The following BMP3 variants were observed in gnomAD, a reference collection of about 807,000 sequenced individuals.
BMP3 encodes bone morphogenetic protein 3, also known as bone morphogenetic protein 3 (osteogenic).
Under a neutral mutation model 38.1 loss-of-function variants are expected in BMP3, and 23 were observed. The ratio of observed to expected loss-of-function variants is 0.60; its 90% CI spans 0.43 to 0.86. The LOEUF (loss-of-function observed/expected upper bound fraction) is 0.86, where lower values mean the gene tolerates loss of function less well. BMP3 is among the 40% of genes least tolerant of loss of function. The pLI, the probability that BMP3 is intolerant of heterozygous loss-of-function variation, is 0.00. For missense variants in BMP3, 628 were observed against 579.6 expected (o/e 1.08, Z -0.86); for synonymous variants, 258 against 225.7 (o/e 1.14, Z -1.28).
At chr4:81,052,621 C>G (rs1343990881) in intron 2 of BMP3, among the ~76,000 whole-genome samples, 1 of 152,118 alleles carries the variant, frequency 6.6e-6, no homozygotes, top group Non-Finnish European at 1.5e-5. Context: ...GAACACAACT[C>G]CATGCCTAAT....
chr4:81,039,229 T>C (rs1014930013), intron 1 of BMP3, among the ~76,000 whole-genome samples: 22 of 152,338 alleles, frequency 1.4e-4, no homozygotes, highest in African/African-American at 5.3e-4. Flanking sequence ...CTAGCAGCTG[T>C]ATTTTGTTTG....
chr4:81,040,077 T>G (rs879565787), intron 1 of BMP3, among the ~76,000 whole-genome samples: 2 of 152,178 alleles, frequency 1.3e-5, no homozygotes, highest in Admixed American at 1.3e-4. Flanking sequence ...GAGTATAGCT[T>G]GTTCAGAAAC....
intron 1 of BMP3, among the ~76,000 whole-genome samples, chr4:81,041,719 T>C (rs1052464167): frequency 1.3e-5 from 2 of 152,224 alleles, no homozygotes; most frequent in Non-Finnish European, 2.9e-5. Flanking sequence ...TGGCAACATT[T>C]CTTTTGCAAA....
At position 81,053,599 on chromosome 4, in the gene BMP3, C is replaced by CTTTTT; in HGVS notation, c.*64_*65insTTTTT. 5 of 561,896 alleles carry CTTTTT rather than the reference C, an allele frequency of 8.9e-6. No homozygotes were observed. The highest frequency in any genetic ancestry group is 1.2e-5 in the Non-Finnish European group (5 of 413,306). 34.8% of individuals were successfully genotyped at this position (561,896 alleles called of 1,614,324 possible). ...TTAGTTTATTTTTATGGACTTCTTCCTGTTTTTTTTTTTTTTTTTTTTGCA... is the reference window on the plus strand; with the variant it reads ...TTAGTTTATTTTTATGGACTTCTTCCTTTTTTGTTTTTTTTTTTTTTTTTTTTGCA... On this transcript the variant is annotated 3_prime_UTR_variant, in exon 3 of 3. Transcript: ENST00000282701.
intron 1 of BMP3, among the ~76,000 whole-genome samples, chr4:81,038,066 C>G (rs746855675): frequency 6.6e-6 from 1 of 152,126 alleles, no homozygotes; most frequent in Non-Finnish European, 1.5e-5. Context: ...TCAAAACCAG[C>G]CTCTTAAAAT....
At chr4:81,053,249 C>T in intron 2 of BMP3, 96 bp from the exon 3 acceptor site, 1 of 937,198 alleles carries the variant, frequency 1.1e-6, no homozygotes. Context: ...ATTGTTGAAA[C>T]AAATTCATTA....
At chr4:81,052,552 A>G (rs571100985) in intron 2 of BMP3, among the ~76,000 whole-genome samples, 1 of 152,258 alleles carries the variant, frequency 6.6e-6, no homozygotes, top group South Asian at 2.1e-4. Flanking sequence ...TATCCATAGG[A>G]TAACTTTAGG....
At position 81,054,095 on chromosome 4, in the gene BMP3, T is replaced by C. The variant is rs1054890039; in HGVS notation, c.*559T>C. The C allele has an allele frequency of 6.6e-6, 1 of 152,660 alleles. No individual in the cohort carries two copies. The highest frequency in any genetic ancestry group is 2.4e-5 in the African/African-American group (1 of 41,464). The allele number at this position is 152,660 out of a possible 1,614,324, so 9.5% of individuals were successfully genotyped here. A position where few individuals can be genotyped will look rare whatever the true frequency, so the allele number is the denominator to read the frequency against. On this transcript the variant is annotated 3_prime_UTR_variant, in exon 3 of 3. Transcript: ENST00000282701. The stretch of plus-strand genomic sequence containing the variant: ...AGTTTATGCTGAGCGTTAGTGTGTA[T>C]GTATGTGCGTACATGCGCCAGGTGC...
At chr4:81,047,947 GAAAAAA>G (rs3042535) in intron 2 of BMP3, among the ~76,000 whole-genome samples, 3 of 91,558 alleles carry the variant, frequency 3.3e-5, no homozygotes, top group Non-Finnish European at 4.6e-5. Context: ...ACTCTGAAGA[GAAAAAA>G]AAAAAAAAAA....
At chr4:81,052,607 C>G (rs1390472881) in intron 2 of BMP3, among the ~76,000 whole-genome samples, 1 of 152,092 alleles carries the variant, frequency 6.6e-6, no homozygotes, top group African/African-American at 2.4e-5. Context: ...GTGGCCCACT[C>G]TTAGAACACA....
chr4:81,032,827 T>C (rs564174122), intron 1 of BMP3, among the ~76,000 whole-genome samples: 41 of 152,354 alleles, frequency 2.7e-4, no homozygotes, highest in Admixed American at 1.3e-3. Flanking sequence ...TGCTTCCTAA[T>C]ACAGAAGTCT....
chr4:81,030,767 A>T lies in BMP3; in HGVS notation c.-518A>T, dbSNP rs914269670. 9.2e-5 allele frequency among the ~76,000 whole-genome samples: 14 copies of T among 151,738 alleles called. No individual in the cohort carries two copies. The highest frequency in any genetic ancestry group is 3.4e-4 in the African/African-American group (14 of 41,326). On this transcript the variant is annotated 5_prime_UTR_variant, in exon 1 of 3. Coordinates refer to ENST00000282701, the MANE Select transcript of BMP3 (RefSeq NM_001201.5). The stretch of plus-strand genomic sequence containing the variant: ...CGCGCGCGCGCGCGCGCACACACAC[A>T]CACACGTACACTAAAAAACTCGGAC...
rs1740464190 is a variant in BMP3, at chr4:81,053,631, A to G, written c.*95A>G. The G allele has an allele frequency of 9.7e-6, 6 of 621,132 alleles. No homozygotes were observed. Among genetic ancestry groups the G allele is most frequent in the African/African-American group, 7.2e-5 (3 of 41,582 alleles). 38.5% of individuals were successfully genotyped at this position (621,132 alleles called of 1,614,324 possible). A position where few individuals can be genotyped will look rare whatever the true frequency, so the allele number is the denominator to read the frequency against. Reference sequence around the variant, plus strand: ...TTTTTTTTTTTTTTTTGCACTGCCAATGCATTTTGTTTCAAAAGATTATTT... The same window carrying G: ...TTTTTTTTTTTTTTTTGCACTGCCAGTGCATTTTGTTTCAAAAGATTATTT... On this transcript the variant is annotated 3_prime_UTR_variant, in exon 3 of 3. Transcript: ENST00000282701.
At chr4:81,045,217 G>A (rs1479424288) in intron 1 of BMP3, among the ~76,000 whole-genome samples, 1 of 152,028 alleles carries the variant, frequency 6.6e-6, no homozygotes, top group East Asian at 1.9e-4. Context: ...TAATGATGTT[G>A]AGCATCTTGT....
At chr4:81,048,443 C>T (rs1013070212) in intron 2 of BMP3, among the ~76,000 whole-genome samples, 2 of 152,134 alleles carry the variant, frequency 1.3e-5, no homozygotes, top group African/African-American at 2.4e-5. Flanking sequence ...GTAGTTTTTC[C>T]CTTTTCTCCT....
chr4:81,045,876 G>A lies in BMP3; in HGVS notation c.455G>A (p.Cys152Tyr), dbSNP rs1219601091. ...ISLSCPVSGG[C>Y]SHHAQRKHIQ... ...CTGAGTTGTCCAGTGTCTGGAGGAT[G>A]CTCCCATCATGCTCAGAGGAAACAC... The change falls in exon 2 of 3, where the codon TGC becomes TAC. Residue 152 changes from cysteine to tyrosine, a missense_variant. Coordinates refer to ENST00000282701, the MANE Select transcript of BMP3 (RefSeq NM_001201.5). The A allele has an allele frequency of 1.2e-6, 2 of 1,614,102 alleles. No homozygotes were observed. The highest frequency in any genetic ancestry group is 8.5e-7 in the Non-Finnish European group (1 of 1,180,010).
At chr4:81,032,549 T>G (rs1473650855) in intron 1 of BMP3, among the ~76,000 whole-genome samples, 1 of 152,222 alleles carries the variant, frequency 6.6e-6, no homozygotes, top group East Asian at 1.9e-4. Flanking sequence ...GGCTTTTTTG[T>G]TCACTACATT....
chr4:81,037,120 T>C (rs1739943695), intron 1 of BMP3, among the ~76,000 whole-genome samples: 1 of 152,064 alleles, frequency 6.6e-6, no homozygotes, highest in Non-Finnish European at 1.5e-5. Flanking sequence ...AGTTAGTTCT[T>C]TTTACTTTAC....
chr4:81,044,204 C>T (rs1740169180), intron 1 of BMP3, among the ~76,000 whole-genome samples: 1 of 152,138 alleles, frequency 6.6e-6, no homozygotes, highest in African/African-American at 2.4e-5. Flanking sequence ...AAAGCTATTA[C>T]AATACATTGC....
Sources: gnomAD v4.1 joint callset for allele counts (sites outside exome capture counted in the v4.1 genomes callset) on GRCh38, gnomAD v4.1.1 for gene constraint, MANE v1.5 for transcripts, NCBI Gene and HGNC (gene_info 2026-07-23, HGNC 2026-07-21) for gene names.